The following BTBD9 variants were observed in gnomAD, a reference collection of about 807,000 sequenced individuals.
BTBD9 encodes BTB/POZ domain-containing protein 9.
BTBD9 carries 49 observed loss-of-function variants against 64.3 expected under a neutral mutation model. That is an observed-to-expected ratio of 0.76 (90% confidence interval 0.61 to 0.97). The LOEUF (loss-of-function observed/expected upper bound fraction) is 0.97, where lower values mean the gene tolerates loss of function less well. BTBD9 is among the 50% of genes least tolerant of loss of function. The probability of loss-of-function intolerance (pLI) is 0.00; values close to 1 mark genes in which losing one functional copy is unlikely to be tolerated. For synonymous variants in BTBD9, 260 were observed against 274.7 expected (o/e 0.95, Z 0.53); for missense variants, 598 against 762.1 (o/e 0.78, Z 2.53).
intron 7 of BTBD9, among the ~76,000 whole-genome samples, chr6:38,298,605 A>G (rs1222673176): frequency 1.3e-5 from 2 of 152,090 alleles, no homozygotes; most frequent in Admixed American, 1.3e-4. Flanking sequence ...GATTCCTTCT[A>G]TCTAACTGTA....
chr6:38,284,456 C>A (rs1761643143), intron 8 of BTBD9, among the ~76,000 whole-genome samples: 1 of 152,138 alleles, frequency 6.6e-6, no homozygotes, highest in Admixed American at 6.5e-5. Context: ...GGTGGCCTTG[C>A]CACATGAAGA....
chr6:38,348,643 G>A (rs1057018113), intron 6 of BTBD9, among the ~76,000 whole-genome samples: 3 of 152,172 alleles, frequency 2.0e-5, no homozygotes, highest in African/African-American at 7.2e-5. Context: ...TATGTTAGCT[G>A]TCTTCAAGTA....
chr6:38,604,859 T>C (rs932904910), intron 1 of BTBD9, among the ~76,000 whole-genome samples: 10 of 152,280 alleles, frequency 6.6e-5, no homozygotes, highest in African/African-American at 1.7e-4. Context: ...TTAACACTTA[T>C]ATTGATGTGT....
intron 1 of BTBD9, among the ~76,000 whole-genome samples, chr6:38,598,646 G>A (rs747424535): frequency 1.6e-4 from 25 of 152,192 alleles, no homozygotes; most frequent in South Asian, 4.2e-4. Context: ...GGCCAGGCAC[G>A]GTGGCTCACG....
chr6:38,214,313 G>A (rs766426855), intron 9 of BTBD9, among the ~76,000 whole-genome samples: 10 of 152,252 alleles, frequency 6.6e-5, no homozygotes, highest in Admixed American at 1.3e-4. Flanking sequence ...CCCTCAGCCA[G>A]GCTGCCATGT....
chr6:38,186,051 G>A (rs1761804806), intron 10 of BTBD9, among the ~76,000 whole-genome samples: 2 of 152,188 alleles, frequency 1.3e-5, no homozygotes, highest in Admixed American at 1.3e-4. Flanking sequence ...GATAGGAGTG[G>A]AAGTGAATGC....
chr6:38,399,788 G>C (rs985776447), intron 6 of BTBD9, among the ~76,000 whole-genome samples: 26 of 151,922 alleles, frequency 1.7e-4, no homozygotes, highest in African/African-American at 6.0e-4. Flanking sequence ...TTTCACTCTT[G>C]TTGCCCAGGC....
intron 9 of BTBD9, among the ~76,000 whole-genome samples, chr6:38,247,705 G>A (rs757962645): frequency 6.6e-6 from 1 of 152,266 alleles, no homozygotes; most frequent in Non-Finnish European, 1.5e-5. Context: ...AGCCCATGGA[G>A]AGAAGCATAA....
chr6:38,374,192 C>A (rs1442139126), intron 6 of BTBD9, among the ~76,000 whole-genome samples: 1 of 147,360 alleles, frequency 6.8e-6, no homozygotes, highest in African/African-American at 2.5e-5. Flanking sequence ...TCGCTTGAAA[C>A]TGGGAGGTAA....
intron 7 of BTBD9, among the ~76,000 whole-genome samples, chr6:38,333,846 G>A (rs866205636): frequency 2.6e-5 from 4 of 152,302 alleles, no homozygotes; most frequent in East Asian, 1.9e-4. Context: ...TTGCTACAAC[G>A]ATACCTGAAA....
At chr6:38,410,197 A>T (rs1767353653) in intron 6 of BTBD9, among the ~76,000 whole-genome samples, 1 of 152,218 alleles carries the variant, frequency 6.6e-6, no homozygotes, top group Admixed American at 6.5e-5. Context: ...TTGTCCAGGC[A>T]TGGTGGCTCA....
chr6:38,560,740 C>T (rs1775229536), intron 6 of BTBD9, among the ~76,000 whole-genome samples: 1 of 152,152 alleles, frequency 6.6e-6, no homozygotes, highest in Admixed American at 6.5e-5. Context: ...TCCACCCTCC[C>T]CGCTCAAGTA....
intron 8 of BTBD9, among the ~76,000 whole-genome samples, chr6:38,259,748 G>C (rs1017113114): frequency 3.9e-5 from 6 of 152,084 alleles, no homozygotes; most frequent in African/African-American, 7.2e-5. Context: ...CTAAACCCAT[G>C]CTACCTAATA....
rs1761709534 is a variant in BTBD9 at position 38,184,166 on chromosome 6, G to A, written c.1641+8353C>T. ...CATCCTCTGTGGATGGACGCTCGTG[G>A]TATCCCGTTGGGTTCAGGATGAACA... On this transcript the variant is annotated intron_variant, in intron 10 of 10. Coordinates refer to ENST00000481247, the MANE Select transcript of BTBD9 (RefSeq NM_001099272.2). This position sits in a 1 kb window ranked among gnomAD's most constrained non-coding sequence, Gnocchi z 4.4. 6.6e-6 allele frequency among the ~76,000 whole-genome samples: 1 copy of A among 152,142 alleles called. No homozygotes were observed. The highest frequency in any genetic ancestry group is 1.5e-5 in the Non-Finnish European group (1 of 68,030).
At position 38,243,060 on chromosome 6, in the gene BTBD9, G is replaced by A. The variant is rs999777904; in HGVS notation, c.1562+13349C>T. 4.6e-4 allele frequency among the ~76,000 whole-genome samples: 70 copies of A among 151,476 alleles called. 2 individuals carry two copies. The highest frequency in any genetic ancestry group is 7.7e-4 in the East Asian group (4 of 5,188). On this transcript the variant is annotated intron_variant, in intron 9 of 10. Coordinates refer to ENST00000481247, the MANE Select transcript of BTBD9 (RefSeq NM_001099272.2). ...GGGTCTTGAAGGGAACACTGAATAG[G>A]TGGAGACTTGAAGATCAGCCAGAGC...
At chr6:38,186,247 T>G (rs1419649151) in intron 10 of BTBD9, among the ~76,000 whole-genome samples, 1 of 152,120 alleles carries the variant, frequency 6.6e-6, no homozygotes, top group African/African-American at 2.4e-5. Flanking sequence ...GGAACCTACT[T>G]CATATATGAG....
chr6:38,264,387 T>G (rs1394428827), intron 8 of BTBD9, among the ~76,000 whole-genome samples: 2 of 152,124 alleles, frequency 1.3e-5, no homozygotes, highest in Non-Finnish European at 2.9e-5. Flanking sequence ...AAAGAACAGA[T>G]GCGGCAGCTG....
In BTBD9 at chr6:38,592,788, T is replaced by C. The variant is rs1452929223; in HGVS notation, c.602A>G (p.Asp201Gly). 1.5e-5 allele frequency: 25 copies of C among 1,614,092 alleles called. No individual in the cohort carries two copies. The highest frequency in any genetic ancestry group is 1.9e-5 in the Non-Finnish European group (22 of 1,180,042). Residue 201 changes from aspartate to glycine, a missense_variant, in exon 4 of 11, where the codon GAT becomes GGT. Physicochemically the swap from Asp to Gly is moderately conservative, Grantham distance 94. Transcript: ENST00000481247. ...LRDSFAAPEK[D>G]IFLALLNWCK... ...CCAGTTTAATAAGGCTAGGAAAATA[T>C]CTTTTTCGGGAGCTGCAAATGAGTC...
intron 6 of BTBD9, among the ~76,000 whole-genome samples, chr6:38,514,766 A>C (rs1429262733): frequency 6.6e-6 from 1 of 152,204 alleles, no homozygotes; most frequent in Non-Finnish European, 1.5e-5. Flanking sequence ...AAGAGCTTGA[A>C]GAGAACCTTA....
Sources: gnomAD v4.1 joint callset for allele counts (sites outside exome capture counted in the v4.1 genomes callset) on GRCh38, gnomAD v4.1.1 for gene constraint, Gnocchi (gnomAD v3.1) non-coding constraint, MANE v1.5 for transcripts, NCBI Gene and HGNC (gene_info 2026-07-23, HGNC 2026-07-21) for gene names.